Variants in DDC observed in about 807,000 individuals in gnomAD.
DDC encodes dopa decarboxylase, also known as aromatic-L-amino-acid decarboxylase.
DDC carries 43 observed loss-of-function variants against 60.0 expected under a neutral mutation model. That is an observed-to-expected ratio of 0.72 (90% CI 0.56 to 0.92). DDC has a LOEUF of 0.92. DDC is among the 40% of genes least tolerant of loss of function. The pLI, the probability that DDC is intolerant of heterozygous loss-of-function variation, is 0.00. For synonymous variants in DDC, 232 were observed against 234.6 expected, an observed-to-expected ratio of 0.99 and a Z score of 0.10; for missense variants, 573 against 620.2, an observed-to-expected ratio of 0.92 and a Z score of 0.81.
At position 50,463,064 on chromosome 7, in the gene DDC, G is replaced by A. The variant is rs11575544; in HGVS notation, c.*18+149C>T. On this transcript the variant is annotated intron_variant, in intron 14 of 14. Transcript: ENST00000444124. ...ATTACAGGCGTGAGCCACCGCACCC[G>A]GCCTTCTCTTCCTTATTTTAAGGTG... 48,427 of 693,788 alleles carry A rather than the reference G, an allele frequency of 0.07. 1,994 individuals are homozygous for A. The highest frequency in any genetic ancestry group is 0.1 in the Middle Eastern group (263 of 2,548). The allele number at this position is 693,788 out of a possible 1,614,324, so 43.0% of individuals were successfully genotyped here.
Position 50,470,076 on chromosome 7 carries a change from G to A in DDC, c.1137C>T (p.Arg379=). The stretch of plus-strand genomic sequence containing the variant: ...TAAATAATAAAAACAAAGTCACCTT[G>A]CGGATATAAGCCTGCAGTCCTTTGA... ...YGVKGLQAYI[R]KHVQLSHEFE... is the part of the protein sequence containing the mutation. The change falls in exon 12 of 15, where the codon CGC becomes CGT. Residue 379 remains arginine (R), a synonymous_variant. Transcript: ENST00000444124. The A allele has an allele frequency of 6.3e-7, 1 of 1,597,412 alleles. No individual in the cohort carries two copies. Among genetic ancestry groups the A allele is most frequent in the South Asian group, 1.1e-5 (1 of 90,786 alleles).
intron 6 of DDC, among the ~76,000 whole-genome samples, chr7:50,515,812 CAGTTGTA>C (rs2043710818): frequency 6.6e-6 from 1 of 152,174 alleles, no homozygotes; most frequent in Non-Finnish European, 1.5e-5. Flanking sequence ...AAGGCAACAG[CAGTTGTA>C]AGAGACAAAG....
chr7:50,527,800 G>A, intron 6 of DDC: 1 of 287,836 alleles, frequency 3.5e-6, no homozygotes, highest in South Asian at 3.7e-5. Context: ...CTTGCTCTGC[G>A]TGCTAACTTT....
intron 1 of DDC, among the ~76,000 whole-genome samples, chr7:50,557,766 T>C (rs1451062030): frequency 6.6e-6 from 1 of 152,202 alleles, no homozygotes; most frequent in African/African-American, 2.4e-5. Flanking sequence ...TCAAAGATAT[T>C]AATTCCCCAG....
At chr7:50,542,890 C>G (rs1405005143) in intron 2 of DDC, 2 of 152,278 alleles carry the variant, frequency 1.3e-5, no homozygotes, top group African/African-American at 4.8e-5. Context: ...GGCCTAGTCT[C>G]AACCCATGAT....
At chr7:50,555,428 C>G (rs2045150573) in intron 1 of DDC, among the ~76,000 whole-genome samples, 1 of 152,058 alleles carries the variant, frequency 6.6e-6, no homozygotes, top group Non-Finnish European at 1.5e-5. Flanking sequence ...AAGGACTGTC[C>G]CAGGTGTGAA....
At chr7:50,546,427 G>A (rs1484671773) in intron 1 of DDC, among the ~76,000 whole-genome samples, 5 of 152,182 alleles carry the variant, frequency 3.3e-5, no homozygotes, top group Non-Finnish European at 7.3e-5. Context: ...AGGAACTTGG[G>A]TAAGTATCAA....
At chr7:50,553,867 C>T (rs553259719) in intron 1 of DDC, among the ~76,000 whole-genome samples, 1 of 152,116 alleles carries the variant, frequency 6.6e-6, no homozygotes, top group Non-Finnish European at 1.5e-5. Context: ...CCAAGCAAGA[C>T]CATAAAGAAG....
intron 12 of DDC, 109 bp downstream of exon 12, chr7:50,469,964 A>T (rs2042491102): frequency 1.4e-6 from 1 of 732,154 alleles, no homozygotes; most frequent in Admixed American, 2.2e-5. Context: ...GGGGGACAAG[A>T]GTGAAACTCT....
At chr7:50,565,099 C>A (rs6593011) in intron 1 of DDC, among the ~76,000 whole-genome samples, 186 bp downstream of exon 1, 31,458 of 152,090 alleles carry the variant, frequency 0.21, 4,182 homozygotes, top group African/African-American at 0.38. Context: ...GGAGAGCCAC[C>A]AAGTGCACAG....
chr7:50,467,151 G>T (rs1050979554), intron 13 of DDC, 63 bp downstream of exon 13: 4 of 1,400,762 alleles, frequency 2.9e-6, no homozygotes, highest in South Asian at 1.2e-5. Context: ...TGGAGGTAAT[G>T]AACAACACTT....
chr7:50,465,348 T>C (rs1299741372), intron 13 of DDC, among the ~76,000 whole-genome samples: 1 of 152,208 alleles, frequency 6.6e-6, no homozygotes, highest in Non-Finnish European at 1.5e-5. Flanking sequence ...TGCACAATTC[T>C]GTAGATATAC....
rs11302809 is a variant in DDC at position 50,462,768 on chromosome 7, G to GTT, written c.*18+443_*18+444dup. On this transcript the variant is annotated intron_variant, in intron 14 of 14. Coordinates refer to ENST00000444124, the MANE Select transcript of DDC (RefSeq NM_001082971.2). ...ATTAACATGGTTTTCTCTTCTTCTT[G>GTT]TTTTTTTTTTTTTTTTTTTTTGGAC... Among the ~76,000 whole-genome samples the GTT allele has an allele frequency of 2.2e-3, 217 of 98,312 alleles. 5 individuals are homozygous for GTT. The highest frequency in any genetic ancestry group is 7.1e-3 in the African/African-American group (183 of 25,640). The allele number at this position is 98,312 out of a possible 152,430, so 64.5% of individuals were successfully genotyped here.
At chr7:50,508,810 T>C (rs561189493) in intron 6 of DDC, among the ~76,000 whole-genome samples, 1 of 152,312 alleles carries the variant, frequency 6.6e-6, no homozygotes, top group South Asian at 2.1e-4. Flanking sequence ...ACCCCTCTCC[T>C]ATGAGGGCCC....
chr7:50,491,807 T>C (rs974939199), intron 9 of DDC, among the ~76,000 whole-genome samples: 4 of 152,136 alleles, frequency 2.6e-5, no homozygotes, highest in Admixed American at 2.6e-4. Context: ...AATGTGACCA[T>C]TCCCTCCCTC....
chr7:50,507,824 G>C (rs1585202082), intron 6 of DDC, among the ~76,000 whole-genome samples: 1 of 152,296 alleles, frequency 6.6e-6, no homozygotes, highest in Non-Finnish European at 1.5e-5. Flanking sequence ...TCTGCAGCAG[G>C]CCTAATGCTG....
intron 1 of DDC, among the ~76,000 whole-genome samples, chr7:50,553,961 T>C (rs974659812): frequency 6.6e-6 from 1 of 152,208 alleles, no homozygotes; most frequent in Non-Finnish European, 1.5e-5. Context: ...AAGTTCTTTC[T>C]TTAACCCTTA....
At chr7:50,490,826 A>G (rs1042219833) in intron 9 of DDC, among the ~76,000 whole-genome samples, 2 of 152,250 alleles carry the variant, frequency 1.3e-5, no homozygotes, top group African/African-American at 4.8e-5. Flanking sequence ...TTCTTGCTGC[A>G]CTTTATCCAA....
chr7:50,490,190 T>A (rs2042969890), intron 9 of DDC, among the ~76,000 whole-genome samples: 1 of 152,218 alleles, frequency 6.6e-6, no homozygotes, highest in African/African-American at 2.4e-5. Context: ...TAAAAGCCTC[T>A]TAGAAAAACT....
Sources: gnomAD v4.1 joint callset for allele counts (sites outside exome capture counted in the v4.1 genomes callset) on GRCh38, gnomAD v4.1.1 for gene constraint, MANE v1.5 for transcripts, NCBI Gene and HGNC (gene_info 2026-07-23, HGNC 2026-07-21) for gene names.